CDIN1: variants seen among roughly 807,000 people sequenced by gnomAD.
CDIN1 encodes the protein CDAN1-interacting nuclease 1.
CDIN1 carries 33 observed loss-of-function variants against 45.3 expected under a neutral mutation model. The ratio of observed to expected loss-of-function variants is 0.73; its 90% CI spans 0.55 to 0.97. The LOEUF (loss-of-function observed/expected upper bound fraction) is 0.97. Among genes scored for constraint, CDIN1 ranks in the 50% least tolerant of loss-of-function variants. The pLI is 0.00. For missense variants in CDIN1, 303 were observed against 339.4 expected (o/e 0.89, Z 0.84); for synonymous variants, 118 against 124.4 (o/e 0.95, Z 0.34).
intron 2 of CDIN1, among the ~76,000 whole-genome samples, chr15:36,644,569 A>G (rs2140407044): frequency 1.3e-5 from 2 of 152,200 alleles, no homozygotes; most frequent in Non-Finnish European, 1.5e-5. Flanking sequence ...TATTATTCTG[A>G]CAATAATAAT....
At chr15:36,770,887 TGCTGCCCAGCGAGATGCC>T (rs2054059670) in intron 10 of CDIN1, among the ~76,000 whole-genome samples, 1 of 152,234 alleles carries the variant, frequency 6.6e-6, no homozygotes, top group South Asian at 2.1e-4. Context: ...ATAAAAATGC[TGCTGCCCAGCGAGATGCC>T]ACATTATGTG....
intron 5 of CDIN1, among the ~76,000 whole-genome samples, chr15:36,682,497 G>C (rs2041885759): frequency 6.6e-6 from 1 of 151,604 alleles, no homozygotes; most frequent in South Asian, 2.1e-4. Context: ...GTTTGGGCTG[G>C]GCAAGGTCAC....
chr15:36,794,836 C>T (rs2054748927), intron 10 of CDIN1, among the ~76,000 whole-genome samples: 1 of 152,124 alleles, frequency 6.6e-6, no homozygotes, highest in Non-Finnish European at 1.5e-5. Context: ...GATATCTGCA[C>T]CTCTATGCAG....
intron 1 of CDIN1, among the ~76,000 whole-genome samples, chr15:36,606,290 G>A (rs1004259587): frequency 6.6e-6 from 1 of 151,960 alleles, no homozygotes; most frequent in South Asian, 2.1e-4. Context: ...CTTTTTCATG[G>A]AAAAGGAAGA....
intron 1 of CDIN1, among the ~76,000 whole-genome samples, chr15:36,583,839 A>G (rs1438778950): frequency 6.6e-6 from 1 of 152,082 alleles, no homozygotes; most frequent in Non-Finnish European, 1.5e-5. Context: ...ACACAGTGAA[A>G]CCCCGTCTCT....
intron 10 of CDIN1, among the ~76,000 whole-genome samples, chr15:36,763,607 C>T (rs186936477): frequency 4.1e-4 from 63 of 152,204 alleles, no homozygotes; most frequent in African/African-American, 1.3e-3. Flanking sequence ...GACTGTACCC[C>T]GCCATGTTGT....
At chr15:36,631,439 A>G (rs1047297672) in intron 1 of CDIN1, among the ~76,000 whole-genome samples, 3 of 152,328 alleles carry the variant, frequency 2.0e-5, no homozygotes, top group African/African-American at 7.2e-5. Context: ...GTCCCTGACA[A>G]CTACTAATCT....
chr15:36,595,621 C>T lies in CDIN1; in HGVS notation c.101+15660C>T, dbSNP rs879451251. Reference sequence around the variant, plus strand: ...TGGAAAGAACTTCTACTCTTTTAATCGAGCCTGCAAAATATATTCCCTGGG... The same window carrying T: ...TGGAAAGAACTTCTACTCTTTTAATTGAGCCTGCAAAATATATTCCCTGGG... On this transcript the variant is annotated intron_variant, in intron 1 of 10. Transcript: ENST00000566621. 4.2e-4 allele frequency among the ~76,000 whole-genome samples: 59 copies of T among 142,046 alleles called. 1 individual carries two copies. Among genetic ancestry groups the T allele is most frequent in the Admixed American group, 1.4e-4 (2 of 14,354 alleles). The allele number at this position is 142,046 out of a possible 152,430, so 93.2% of individuals were successfully genotyped here.
chr15:36,776,104 C>T (rs1017805756), intron 10 of CDIN1, among the ~76,000 whole-genome samples: 1 of 152,152 alleles, frequency 6.6e-6, no homozygotes, highest in East Asian at 1.9e-4. Flanking sequence ...TAGGAAGTAA[C>T]GACTAAACTT....
chr15:36,722,892 T>C (rs2043477580), intron 10 of CDIN1, among the ~76,000 whole-genome samples: 1 of 152,110 alleles, frequency 6.6e-6, no homozygotes, highest in Admixed American at 6.6e-5. Context: ...GTCAAATTCT[T>C]ATAAAAATTA....
At chr15:36,640,007 A>G (rs1034692264) in intron 1 of CDIN1, among the ~76,000 whole-genome samples, 3 of 152,100 alleles carry the variant, frequency 2.0e-5, no homozygotes, top group African/African-American at 7.2e-5. Context: ...GGATGGATAC[A>G]TTTTTCTTTA....
chr15:36,674,199 C>T (rs987734143), intron 5 of CDIN1, among the ~76,000 whole-genome samples: 4 of 152,098 alleles, frequency 2.6e-5, no homozygotes, highest in East Asian at 1.9e-4. Flanking sequence ...TTGCGCAGGA[C>T]GGCGAATCCT....
chr15:36,799,201 G>A (rs1032798170), intron 10 of CDIN1: 2 of 150,424 alleles, frequency 1.3e-5, no homozygotes, highest in African/African-American at 4.9e-5. Context: ...TGCACCCAGT[G>A]TCCACATGAA....
At chr15:36,721,896 G>A (rs995497335) in intron 10 of CDIN1, among the ~76,000 whole-genome samples, 3 of 151,820 alleles carry the variant, frequency 2.0e-5, no homozygotes, top group Non-Finnish European at 2.9e-5. Context: ...CCTCAACTCA[G>A]GGAGACTGCT....
chr15:36,808,183 T>G (rs969284062), intron 10 of CDIN1, 141 bp from the exon 11 acceptor site: 2 of 1,127,732 alleles, frequency 1.8e-6, no homozygotes, highest in African/African-American at 1.6e-5. Context: ...AGTTTGGCTA[T>G]TTTCAGTCAC....
intron 10 of CDIN1, among the ~76,000 whole-genome samples, chr15:36,769,859 C>G (rs553695960): frequency 1.3e-5 from 2 of 152,246 alleles, no homozygotes; most frequent in African/African-American, 4.8e-5. Flanking sequence ...GTCTAAGAAC[C>G]TGTGCGATAA....
At chr15:36,639,238 C>T (rs868750367) in intron 1 of CDIN1, among the ~76,000 whole-genome samples, 1 of 152,020 alleles carries the variant, frequency 6.6e-6, no homozygotes, top group Non-Finnish European at 1.5e-5. Context: ...GCATATTCAG[C>T]TAACAATGGA....
At chr15:36,703,842 T>A (rs2042765206) in intron 8 of CDIN1, among the ~76,000 whole-genome samples, 1 of 152,108 alleles carries the variant, frequency 6.6e-6, no homozygotes, top group African/African-American at 2.4e-5. Context: ...CTAACATCAG[T>A]GACTACAGCT....
intron 9 of CDIN1, 27 bp from the exon 10 acceptor site, chr15:36,709,829 G>C (rs372208057): frequency 6.4e-7 from 1 of 1,570,838 alleles, no homozygotes; most frequent in Non-Finnish European, 8.8e-7. Context: ...TCCCTTCTCC[G>C]TATATTAGTA....
Sources: gnomAD v4.1 joint callset for allele counts (sites outside exome capture counted in the v4.1 genomes callset) on GRCh38, gnomAD v4.1.1 for gene constraint, MANE v1.5 for transcripts, NCBI Gene and HGNC (gene_info 2026-07-23, HGNC 2026-07-21) for gene names.